Variants in MED1 observed in about 807,000 individuals in gnomAD.
MED1 encodes the protein mediator of RNA polymerase II transcription subunit 1.
A neutral mutation model predicts 121.3 loss-of-function variants in MED1; 17 were observed. The ratio of observed to expected loss-of-function variants is 0.14; its 90% CI spans 0.10 to 0.21. The LOEUF (loss-of-function observed/expected upper bound fraction) is 0.21. Ranked by LOEUF, MED1 falls within the 10% of genes least tolerant of loss-of-function variation. The pLI, the probability that MED1 is intolerant of heterozygous loss-of-function variation, is 1.00. For missense variants in MED1, 1,558 were observed against 1,919.4 expected (o/e 0.81, Z 3.52); for synonymous variants, 661 against 694.4 (o/e 0.95, Z 0.76).
At chr17:39,419,968 C>T (rs779809466) in intron 13 of MED1, 50 bp from the exon 14 acceptor site, 13 of 1,537,088 alleles carry the variant, frequency 8.5e-6, no homozygotes, top group Non-Finnish European at 1.2e-5. Flanking sequence ...CTATTGTATT[C>T]CAACCACAAA....
At chr17:39,449,325 C>T (rs1567656300) in intron 1 of MED1, among the ~76,000 whole-genome samples, 3 of 151,786 alleles carry the variant, frequency 2.0e-5, no homozygotes, top group African/African-American at 7.3e-5. Flanking sequence ...GGACTACTGG[C>T]TTGTGCCACC....
chr17:39,431,866 T>G, intron 8 of MED1, 76 bp downstream of exon 8: 1 of 951,894 alleles, frequency 1.1e-6, no homozygotes, highest in Non-Finnish European at 1.7e-6. Flanking sequence ...TTAATAGAGA[T>G]GTATAAAATA....
chr17:39,433,134 C>T (rs989219567), intron 7 of MED1, among the ~76,000 whole-genome samples: 15 of 151,740 alleles, frequency 9.9e-5, no homozygotes, highest in South Asian at 4.2e-4. Flanking sequence ...ACCCAGGAGG[C>T]GGAGGTTGCA....
Position 39,405,459 on chromosome 17 carries a change from AT to A in MED1, c.*2015del, listed in dbSNP as rs878982604. 67,849 of 837,772 alleles carry A rather than the reference AT, an allele frequency of 0.081. 37 individuals are homozygous for A. The highest frequency in any genetic ancestry group is 0.14 in the East Asian group (3,552 of 25,986). 51.9% of individuals were successfully genotyped at this position (837,772 alleles called of 1,614,324 possible). A position where few individuals can be genotyped will look rare whatever the true frequency, so the allele number is the denominator to read the frequency against. Reference sequence around the variant, plus strand: ...AGAACAAATTTTAAAAACCACATAAATTTTTTTTTTTTTCCTGCAGAAACCA... The same window carrying A: ...AGAACAAATTTTAAAAACCACATAAATTTTTTTTTTTTCCTGCAGAAACCA... On this transcript the variant is annotated 3_prime_UTR_variant, in exon 17 of 17. Transcript: ENST00000300651.
chr17:39,435,235 G>C (rs574684655), intron 6 of MED1, among the ~76,000 whole-genome samples: 19 of 152,250 alleles, frequency 1.2e-4, no homozygotes, highest in East Asian at 7.7e-4. Context: ...GCAAAGATGA[G>C]AGGGAAAACA....
Position 39,409,602 on chromosome 17 carries a change from C to A in MED1, c.2619G>T (p.Gln873His). 1 of 1,614,154 alleles carries A rather than the reference C, an allele frequency of 6.2e-7. No individual in the cohort carries two copies. The highest frequency in any genetic ancestry group is 8.5e-7 in the Non-Finnish European group (1 of 1,180,042). ...VDFNPDLLNS[Q>H]SQSGFGEEYF... ...ATTCTTCTCCAAAACCACTTTGGCT[C>A]TGGCTGTTCAATAAATCAGGATTGA... The change falls in exon 17 of 17, where the codon CAG (glutamine) becomes CAT (histidine). Residue 873 changes from glutamine to histidine, a missense_variant. Gln to His is a conservative substitution (Grantham distance 24, BLOSUM62 0). This residue lies in a region of MED1 where 793 missense variants were observed against 898.2 expected (regional missense o/e 0.88). Transcript: ENST00000300651.
chr17:39,450,769 T>C (rs763289756), intron 1 of MED1, among the ~76,000 whole-genome samples: 3 of 152,186 alleles, frequency 2.0e-5, no homozygotes, highest in Admixed American at 6.6e-5. Flanking sequence ...TGATTTTGTA[T>C]TCATTTGCCC....
intron 13 of MED1, among the ~76,000 whole-genome samples, chr17:39,420,946 C>T (rs2048457796): frequency 6.6e-6 from 1 of 151,664 alleles, no homozygotes; most frequent in Non-Finnish European, 1.5e-5. Context: ...CAGGCGCCCG[C>T]CACCACACCC....
At chr17:39,430,561 C>T (rs1414884828) in intron 9 of MED1, among the ~76,000 whole-genome samples, 5 of 151,890 alleles carry the variant, frequency 3.3e-5, no homozygotes, top group African/African-American at 7.2e-5. Flanking sequence ...GGCGTGGTGG[C>T]GGGCGCCTGT....
At position 39,409,949 on chromosome 17, in the gene MED1, G is replaced by A. The variant is rs2048340538; in HGVS notation, c.2272C>T (p.His758Tyr). 6.2e-7 allele frequency: 1 copy of A among 1,614,172 alleles called. No individual in the cohort carries two copies. Among genetic ancestry groups the A allele is most frequent in the Non-Finnish European group, 8.5e-7 (1 of 1,180,032 alleles). ...PPTTYPQPVP[H>Y]PQPSIQRMVR... Reference sequence around the variant, plus strand: ...ATCCTTTGAATACTGGGTTGGGGGTGAGGTACTGGTTGTGGGTAAGTTGTT... The same window carrying A: ...ATCCTTTGAATACTGGGTTGGGGGTAAGGTACTGGTTGTGGGTAAGTTGTT... The change falls in exon 17 of 17, where the codon CAC becomes TAC. Residue 758 changes from histidine (H) to tyrosine (Y), a missense_variant. Physicochemically the swap from His to Tyr is moderately conservative, Grantham distance 83 (BLOSUM62 2). This residue lies in a region of MED1 where 793 missense variants were observed against 898.2 expected (regional missense o/e 0.88). Transcript: ENST00000300651.
Position 39,449,220 on chromosome 17 carries a change from G to A in MED1, c.26-1316C>T, listed in dbSNP as rs138965689. On this transcript the variant is annotated intron_variant, in intron 1 of 16. Coordinates refer to ENST00000300651, the MANE Select transcript of MED1 (RefSeq NM_004774.4). Reference sequence around the variant, plus strand: ...CCTTGAAACAGGGTCTCGCTCTGTCGCCCAGGTTACAGTGCAGTGGCATGA... The same window carrying A: ...CCTTGAAACAGGGTCTCGCTCTGTCACCCAGGTTACAGTGCAGTGGCATGA... 3.9e-5 allele frequency among the ~76,000 whole-genome samples: 6 copies of A among 152,138 alleles called. No individual in the cohort carries two copies. In the East Asian group the frequency reaches 9.7e-4, roughly 25 times the overall value.
At position 39,421,145 on chromosome 17, in the gene MED1, G is replaced by A. The variant is rs554443316; in HGVS notation, c.1096-1227C>T. 9.5e-4 allele frequency among the ~76,000 whole-genome samples: 143 copies of A among 150,856 alleles called. No homozygotes were observed. The Middle Eastern group carries it at 0.014, about 14-fold the overall frequency. On this transcript the variant is annotated intron_variant, in intron 13 of 16. Transcript: ENST00000300651. ...TTTTTTGTAGAGACAGGATTTTGCC[G>A]GAGGATGAGGCAGAAGAATCGCTTG...
chr17:39,423,958 C>T, intron 11 of MED1, 137 bp from the exon 12 acceptor site: 2 of 950,054 alleles, frequency 2.1e-6, no homozygotes, highest in South Asian at 1.8e-5. Context: ...TCTTGGCTCA[C>T]TGCAACCTCT....
chr17:39,420,002 CA>C, intron 13 of MED1, 84 bp from the exon 14 acceptor site: 1 of 1,181,520 alleles, frequency 8.5e-7, no homozygotes, highest in Non-Finnish European at 1.2e-6. Context: ...ACCTACTACT[CA>C]AAAAAGTGCA....
chr17:39,442,072 C>T (rs1405709871), intron 3 of MED1, among the ~76,000 whole-genome samples: 1 of 149,528 alleles, frequency 6.7e-6, no homozygotes, highest in Non-Finnish European at 1.5e-5. Context: ...CACTGCACTC[C>T]AGCCTGGACG....
chr17:39,411,405 C>T (rs961741760), intron 16 of MED1, among the ~76,000 whole-genome samples: 7 of 151,266 alleles, frequency 4.6e-5, no homozygotes, highest in Middle Eastern at 3.5e-3. Flanking sequence ...TGGATCACTT[C>T]GGGTCAGGAG....
Position 39,431,941 on chromosome 17 carries a change from C to T in MED1, c.575+1G>A. ...TAGAATTAAGGTTTTAGCAGTCTTACCAGTACATAATTGCCATTTTAGAAA... is the reference window on the plus strand; with the variant it reads ...TAGAATTAAGGTTTTAGCAGTCTTATCAGTACATAATTGCCATTTTAGAAA... On this transcript the variant is annotated splice_donor_variant, in intron 8 of 16. Coordinates refer to ENST00000300651, the MANE Select transcript of MED1 (RefSeq NM_004774.4). LOFTEE classifies it high-confidence loss of function. 1 of 1,587,188 alleles carries T rather than the reference C, an allele frequency of 6.3e-7. No individual in the cohort carries two copies. The highest frequency in any genetic ancestry group is 8.7e-7 in the Non-Finnish European group (1 of 1,155,636).
chr17:39,412,388 C>T (rs376630092), intron 16 of MED1, among the ~76,000 whole-genome samples: 145 of 151,524 alleles, frequency 9.6e-4, no homozygotes, highest in African/African-American at 3.2e-3. Flanking sequence ...GCCATCACGC[C>T]CAGCTAATTC....
intron 13 of MED1, among the ~76,000 whole-genome samples, chr17:39,422,722 G>A (rs534600508): frequency 2.0e-5 from 3 of 151,490 alleles, no homozygotes; most frequent in African/African-American, 7.3e-5. Flanking sequence ...GTGACCACCC[G>A]CCTTGGCCTC....
Sources: gnomAD v4.1 joint callset for allele counts (sites outside exome capture counted in the v4.1 genomes callset) on GRCh38, gnomAD v4.1.1 for gene constraint, gnomAD v4.1.1 regional missense constraint, MANE v1.5 for transcripts, NCBI Gene and HGNC (gene_info 2026-07-23, HGNC 2026-07-21) for gene names.